The following KIR3DL3 variants were observed in gnomAD, a reference collection of about 807,000 sequenced individuals.
KIR3DL3 encodes killer cell immunoglobulin-like receptor 3DL3.
Under a neutral mutation model 34.9 loss-of-function variants are expected in KIR3DL3, and 27 were observed. The observed-to-expected ratio is 0.77, with a 90% confidence interval of 0.57 to 1.07. The LOEUF is 1.07. Ranked by LOEUF, KIR3DL3 falls within the 50% of genes least tolerant of loss-of-function variation. The pLI, the probability that KIR3DL3 is intolerant of heterozygous loss-of-function variation, is 0.00. For synonymous variants in KIR3DL3, 217 were observed against 200.2 expected, an observed-to-expected ratio of 1.08 and a Z score of -0.71; for missense variants, 681 against 528.5, an observed-to-expected ratio of 1.29 and a Z score of -2.83.
In KIR3DL3 at chr19:54,724,528, T is replaced by A; in HGVS notation, c.32T>A (p.Val11Asp). Residue 11 changes from valine (V) to aspartate (D), a missense_variant and splice_region_variant, in exon 1 of 8, where the codon GTT (valine) becomes GAT (aspartate). Coordinates refer to ENST00000291860, the MANE Select transcript of KIR3DL3 (RefSeq NM_153443.5). Reference protein sequence around the residue: MSLMVVSMACVGFFLLEGPWP... With the variant: MSLMVVSMACDGFFLLEGPWP... ...CTCATGGTCGTCAGCATGGCGTGTG[T>A]TGGTGAGTCCTGGAAGGGAATCGAG... 1 of 1,611,642 alleles carries A rather than the reference T, an allele frequency of 6.2e-7. No individual in the cohort carries two copies. The highest frequency in any genetic ancestry group is 1.7e-4 in the Middle Eastern group (1 of 6,056).
chr19:54,733,710 A>G (rs1400052051), intron 5 of KIR3DL3, among the ~76,000 whole-genome samples: 5 of 152,176 alleles, frequency 3.3e-5, no homozygotes, highest in African/African-American at 1.2e-4. Flanking sequence ...GAAAATGTGA[A>G]AGCCTCCTGA....
At chr19:54,730,637 C>T (rs2146817788) in intron 5 of KIR3DL3, among the ~76,000 whole-genome samples, 1 of 152,104 alleles carries the variant, frequency 6.6e-6, no homozygotes, top group African/African-American at 2.4e-5. Context: ...CCTTCCTGGC[C>T]TCTGGTAGCC....
At chr19:54,735,441 G>T in intron 6 of KIR3DL3, 84 bp downstream of exon 6, 2 of 690,896 alleles carry the variant, frequency 2.9e-6, no homozygotes, top group South Asian at 3.2e-5. Flanking sequence ...GTTCCTCACA[G>T]ACTGGATGGT....
At chr19:54,727,580 C>T (rs1459901408) in intron 3 of KIR3DL3, 31 bp from the exon 4 acceptor site, 46 of 1,595,088 alleles carry the variant, frequency 2.9e-5, no homozygotes, top group Middle Eastern at 3.9e-4. Context: ...GAAAGGGAGA[C>T]GCCTTCTGAA....
intron 1 of KIR3DL3, 129 bp downstream of exon 1, chr19:54,724,659 C>T (rs200767889): frequency 0.047 from 68,614 of 1,470,670 alleles, 1,864 homozygotes; most frequent in South Asian, 0.059. Flanking sequence ...AGATATGGGC[C>T]TGGGGTGGAG....
intron 5 of KIR3DL3, 32 bp from the exon 6 acceptor site, chr19:54,735,221 T>C (rs1217978067): frequency 7.1e-7 from 1 of 1,407,218 alleles, no homozygotes; most frequent in Admixed American, 1.7e-5. Flanking sequence ...CTGCTATGAT[T>C]AGCTTCTTAT....
chr19:54,735,653 A>T (rs2364440), intron 6 of KIR3DL3, among the ~76,000 whole-genome samples, 167 bp from the exon 7 acceptor site: 5,626 of 89,930 alleles, frequency 0.063, 282 homozygotes, highest in Middle Eastern at 0.14. Context: ...TCAGAGCTAT[A>T]CATGGGATGG....
Position 54,727,637 on chromosome 19 carries a change from GCCCA to G in KIR3DL3, c.387_390del (p.His129GlnfsTer5). ...AGTCCACAGAAAACCTTCCCTCCTG[GCCCA>G]CCCAGGTCCCCTGGTGAAATCAGGA... On this transcript the variant is annotated frameshift_variant, in exon 4 of 8. Transcript: ENST00000291860. LOFTEE classifies it high-confidence loss of function. The G allele has an allele frequency of 2.5e-6, 4 of 1,611,392 alleles. No individual in the cohort carries two copies. The highest frequency in any genetic ancestry group is 3.4e-6 in the Non-Finnish European group (4 of 1,179,312).
intron 4 of KIR3DL3, among the ~76,000 whole-genome samples, 175 bp downstream of exon 4, chr19:54,728,085 T>A (rs2068402462): frequency 1.3e-5 from 2 of 151,870 alleles, no homozygotes; most frequent in African/African-American, 2.4e-5. Context: ...AGTACAGACC[T>A]CATGTCATAA....
chr19:54,735,213 G>T, intron 5 of KIR3DL3, 40 bp from the exon 6 acceptor site: 1 of 1,347,472 alleles, frequency 7.4e-7, no homozygotes, highest in East Asian at 2.3e-5. Flanking sequence ...TAGAGGAACT[G>T]CTATGATTAG....
At chr19:54,725,378 C>A in intron 2 of KIR3DL3, 96 bp downstream of exon 2, 1 of 943,502 alleles carries the variant, frequency 1.1e-6, no homozygotes. Flanking sequence ...GACTGATGGG[C>A]TGACCATGGG....
At chr19:54,733,752 G>A (rs585270) in intron 5 of KIR3DL3, among the ~76,000 whole-genome samples, 19,567 of 152,168 alleles carry the variant, frequency 0.13, 1,738 homozygotes, top group East Asian at 0.45. Flanking sequence ...AATAGAGAAC[G>A]TGCTCTGTTC....
intron 5 of KIR3DL3, 111 bp from the exon 6 acceptor site, chr19:54,735,142 T>C: frequency 1.2e-6 from 1 of 857,734 alleles, no homozygotes; most frequent in Non-Finnish European, 2.0e-6. Context: ...ATCTGGGTGC[T>C]TGTCCTAAAG....
chr19:54,730,998 T>C (rs1273743590), intron 5 of KIR3DL3, among the ~76,000 whole-genome samples: 13 of 152,020 alleles, frequency 8.6e-5, no homozygotes, highest in East Asian at 1.9e-4. Context: ...TTTTGTTTTA[T>C]GGTTTTTGTT....
rs2146864922 is a variant in KIR3DL3, at chr19:54,734,163, T to TA, written c.950-1090_950-1089insA. ...TTCTTTCTTTTCTTGGAGAATGTAA[T>TA]TTTTTTGAGTCAAGAGGGTTGTGGT... On this transcript the variant is annotated intron_variant, in intron 5 of 7. Coordinates refer to ENST00000291860, the MANE Select transcript of KIR3DL3 (RefSeq NM_153443.5). Among the ~76,000 whole-genome samples, 2 of 56,656 alleles carry TA rather than the reference T, an allele frequency of 3.5e-5. 1 individual carries two copies. Among genetic ancestry groups the TA allele is most frequent in the South Asian group, 1.0e-3 (2 of 1,968 alleles). The allele number at this position is 56,656 out of a possible 152,430, so 37.2% of individuals were successfully genotyped here.
Position 54,727,929 on chromosome 19 carries a change from G to A in KIR3DL3, c.655+19G>A, listed in dbSNP as rs1331922646. 1.4e-5 allele frequency: 22 copies of A among 1,587,162 alleles called. No homozygotes were observed. The highest frequency in any genetic ancestry group is 1.6e-5 in the Non-Finnish European group (19 of 1,164,096). ...GTCGTAGGTGAGAGAATACAGACCT[G>A]CCTCTCACCCTTGCTGGGAGATGGA... On this transcript the variant is annotated intron_variant, in intron 4 of 7. Coordinates refer to ENST00000291860, the MANE Select transcript of KIR3DL3 (RefSeq NM_153443.5).
chr19:54,734,253 T>G (rs1445401975), intron 5 of KIR3DL3, among the ~76,000 whole-genome samples: 1 of 151,666 alleles, frequency 6.6e-6, no homozygotes, highest in Non-Finnish European at 1.5e-5. Context: ...GAGAAGATTC[T>G]AAACACCTCC....
rs1408675674 is a variant in KIR3DL3 at position 54,724,522 on chromosome 19, C to A, written c.26C>A (p.Ala9Glu). 6.2e-7 allele frequency: 1 copy of A among 1,612,434 alleles called. No individual in the cohort carries two copies. MSLMVVSM[A>E]CVGFFLLEGP... ...ATGTCGCTCATGGTCGTCAGCATGG[C>A]GTGTGTTGGTGAGTCCTGGAAGGGA... Residue 9 changes from alanine to glutamate, a missense_variant, in exon 1 of 8, where the codon GCG (alanine) becomes GAG (glutamate). Transcript: ENST00000291860.
Position 54,726,216 on chromosome 19 carries a change from C to T in KIR3DL3, c.234C>T (p.Asn78=), listed in dbSNP as rs1210148020. ...VPELYNRIFR[N]SFLMGPVTPA... Reference sequence around the variant, plus strand: ...AGCTCTACAACAGAATATTCCGGAACAGCTTTCTCATGGGCCCTGTGACCC... The same window carrying T: ...AGCTCTACAACAGAATATTCCGGAATAGCTTTCTCATGGGCCCTGTGACCC... Residue 78 remains asparagine (N), a synonymous_variant, in exon 3 of 8, where the codon AAC becomes AAT. Coordinates refer to ENST00000291860, the MANE Select transcript of KIR3DL3 (RefSeq NM_153443.5). 2.5e-6 allele frequency: 4 copies of T among 1,613,670 alleles called. No individual in the cohort carries two copies. Among genetic ancestry groups the T allele is most frequent in the Non-Finnish European group, 3.4e-6 (4 of 1,179,936 alleles).
Sources: allele counts gnomAD v4.1 joint callset (sites outside exome capture counted in the v4.1 genomes callset), GRCh38; gene constraint gnomAD v4.1.1; transcripts MANE v1.5; gene names NCBI Gene and HGNC (gene_info 2026-07-23, HGNC 2026-07-21).